HYDIN: variants seen among roughly 807,000 people sequenced by gnomAD.
The protein encoded by HYDIN is axonemal central pair apparatus protein HYDIN.
In HYDIN, 132 loss-of-function variants were observed where a neutral mutation model predicts 403.9. That is an observed-to-expected ratio of 0.33 (90% confidence interval 0.28 to 0.38). HYDIN has a LOEUF of 0.38. HYDIN is among the 10% of genes least tolerant of loss of function. The pLI, the probability that HYDIN is intolerant of heterozygous loss-of-function variation, is 1.00. For synonymous variants in HYDIN, 1,202 were observed against 1,891.7 expected (o/e 0.64, Z 9.46); for missense variants, 2,827 against 5,009.5 (o/e 0.56, Z 13.15).
chr16:71,218,006 G>T (rs946000609), intron 1 of HYDIN, among the ~76,000 whole-genome samples: 7 of 152,054 alleles, frequency 4.6e-5, no homozygotes, highest in Admixed American at 2.6e-4. Context: ...TCCCTAGAAC[G>T]CAAAGTAAAT....
At chr16:70,923,820 CAA>C (rs11316592) in intron 45 of HYDIN, among the ~76,000 whole-genome samples, 1 of 50,394 alleles carries the variant, frequency 2.0e-5, no homozygotes, top group Non-Finnish European at 4.1e-5. Context: ...GACTCTGTCT[CAA>C]AAAAAAAAAA....
chr16:70,974,456 T>A, intron 32 of HYDIN, 78 bp downstream of exon 32: 1 of 1,384,956 alleles, frequency 7.2e-7, no homozygotes, highest in Non-Finnish European at 9.7e-7. Flanking sequence ...CAAAAGCTGC[T>A]CCAGGAGGAC....
At chr16:70,901,950 C>G (rs1324925645) in intron 52 of HYDIN, among the ~76,000 whole-genome samples, 3 of 152,100 alleles carry the variant, frequency 2.0e-5, no homozygotes, top group Non-Finnish European at 4.4e-5. Flanking sequence ...ATTTCTTAAC[C>G]CTTTTTCGAA....
intron 18 of HYDIN, among the ~76,000 whole-genome samples, chr16:71,059,033 G>C (rs2081994912): frequency 6.6e-6 from 1 of 152,196 alleles, no homozygotes; most frequent in Non-Finnish European, 1.5e-5. Context: ...TAGAAAATAT[G>C]CGTTAATCGA....
At chr16:70,831,590 A>T (rs1209994225) in intron 80 of HYDIN, among the ~76,000 whole-genome samples, 4 of 142,102 alleles carry the variant, frequency 2.8e-5, no homozygotes, top group Middle Eastern at 3.6e-3. Flanking sequence ...GAGTAGGAAG[A>T]AACCCAGGAG....
chr16:71,118,078 C>T (rs545442295), intron 9 of HYDIN, among the ~76,000 whole-genome samples: 2 of 150,956 alleles, frequency 1.3e-5, no homozygotes, highest in Admixed American at 6.6e-5. Flanking sequence ...TCCTCTGTGA[C>T]CCCCTCTGGG....
chr16:71,110,723 C>A (rs2083798794), intron 10 of HYDIN, among the ~76,000 whole-genome samples: 1 of 149,248 alleles, frequency 6.7e-6, no homozygotes, highest in Non-Finnish European at 1.5e-5. Context: ...GGAGCCCATA[C>A]TTCTGCACAT....
chr16:71,071,288 T>C (rs1399247502), intron 13 of HYDIN, among the ~76,000 whole-genome samples: 4 of 150,294 alleles, frequency 2.7e-5, no homozygotes, highest in Non-Finnish European at 5.9e-5. Context: ...TACTAGTACC[T>C]GTAATATCCC....
intron 43 of HYDIN, 69 bp from the exon 44 acceptor site, chr16:70,938,824 CGGAGTA>C (rs1241698864): frequency 6.4e-7 from 1 of 1,564,870 alleles, no homozygotes; most frequent in African/African-American, 1.3e-5. Context: ...CCTAAGCAGG[CGGAGTA>C]GGGTCTTAGT....
chr16:70,834,842 C>T (rs571360388), intron 78 of HYDIN, among the ~76,000 whole-genome samples: 12 of 146,500 alleles, frequency 8.2e-5, no homozygotes, highest in African/African-American at 2.8e-4. Context: ...AGTGAGACTC[C>T]GACTCAAAAA....
At chr16:71,220,191 T>C (rs903211123) in intron 1 of HYDIN, among the ~76,000 whole-genome samples, 3 of 152,224 alleles carry the variant, frequency 2.0e-5, no homozygotes, top group Admixed American at 6.5e-5. Context: ...TAACAGGCTA[T>C]GAGTTTCTTT....
chr16:70,821,979 GA>G (rs1410102999), intron 83 of HYDIN, among the ~76,000 whole-genome samples: 1 of 152,078 alleles, frequency 6.6e-6, no homozygotes, highest in Non-Finnish European at 1.5e-5. Flanking sequence ...AGCTCTGATG[GA>G]ACTGTACAGG....
chr16:70,989,630 A>G (rs2144039180), intron 25 of HYDIN, among the ~76,000 whole-genome samples: 1 of 152,314 alleles, frequency 6.6e-6, no homozygotes, highest in South Asian at 2.1e-4. Flanking sequence ...CTTCACAAAC[A>G]TCACTTAAAG....
chr16:70,898,972 T>C (rs1277056338), intron 53 of HYDIN, among the ~76,000 whole-genome samples: 2 of 152,232 alleles, frequency 1.3e-5, no homozygotes, highest in Admixed American at 6.5e-5. Flanking sequence ...AATTTCACCA[T>C]GTTGGCCAGG....
At chr16:71,084,219 A>C (rs1276330639) in intron 12 of HYDIN, among the ~76,000 whole-genome samples, 6 of 151,042 alleles carry the variant, frequency 4.0e-5, no homozygotes, top group Non-Finnish European at 8.8e-5. Context: ...CCCATTGTGA[A>C]GGTTGTCTTT....
intron 47 of HYDIN, among the ~76,000 whole-genome samples, chr16:70,909,611 GAAAATGA>G (rs2076633676): frequency 1.4e-5 from 2 of 140,152 alleles, no homozygotes; most frequent in Admixed American, 7.2e-5. Flanking sequence ...TCACACCTAA[GAAAATGA>G]ACAATAATTC....
rs564737189 is a variant in HYDIN, at chr16:70,884,067, C to T, written c.9832G>A (p.Gly3278Arg). The change falls in exon 59 of 86, where the codon GGA (glycine) becomes AGA (arginine). Residue 3278 changes from glycine (G) to arginine (R), a missense_variant. Transcript: ENST00000393567. Reference protein sequence around the residue: ...VYPGFGSIPSGGQQVINVDCV... With the variant: ...VYPGFGSIPSRGQQVINVDCV... ...TCAACGTTGATGACCTGCTGTCCTC[C>T]GGAAGGAATGGAGCCAAACCCAGGG... The T allele has an allele frequency of 3.8e-5, 61 of 1,612,740 alleles. 1 individual carries two copies. The highest frequency in any genetic ancestry group is 1.7e-4 in the Middle Eastern group (1 of 6,060).
At chr16:70,925,878 C>T (rs2077138713) in intron 45 of HYDIN, among the ~76,000 whole-genome samples, 1 of 151,624 alleles carries the variant, frequency 6.6e-6, no homozygotes, top group African/African-American at 2.4e-5. Flanking sequence ...CATCACTGGC[C>T]ATCAGAGAAA....
chr16:71,171,233 C>A (rs745964581), intron 5 of HYDIN, among the ~76,000 whole-genome samples: 1 of 152,184 alleles, frequency 6.6e-6, no homozygotes, highest in African/African-American at 2.4e-5. Flanking sequence ...GATATTTGCA[C>A]GGCTTAAATT....
Sources: gnomAD v4.1 joint callset for allele counts (sites outside exome capture counted in the v4.1 genomes callset) on GRCh38, gnomAD v4.1.1 for gene constraint, MANE v1.5 for transcripts, NCBI Gene and HGNC (gene_info 2026-07-23, HGNC 2026-07-21) for gene names.